Variants in EML4 observed in about 807,000 individuals in gnomAD.
The protein encoded by EML4 is echinoderm microtubule-associated protein-like 4.
A neutral mutation model predicts 129.0 loss-of-function variants in EML4; 72 were observed. The ratio of observed to expected loss-of-function variants is 0.56; its 90% CI spans 0.46 to 0.68. The LOEUF is 0.68. Ranked by LOEUF, EML4 falls within the 30% of genes least tolerant of loss-of-function variation. The pLI is 0.00. For missense variants in EML4, 1,363 were observed against 1,190.6 expected, an observed-to-expected ratio of 1.14 and a Z score of -2.13; for synonymous variants, 532 against 405.0, an observed-to-expected ratio of 1.31 and a Z score of -3.77.
chr2:42,264,750 T>A lies in EML4; in HGVS notation c.667+19T>A, dbSNP rs777784761. 1 of 1,464,740 alleles carries A rather than the reference T, an allele frequency of 6.8e-7. No individual in the cohort carries two copies. Among genetic ancestry groups the A allele is most frequent in the Non-Finnish European group, 9.4e-7 (1 of 1,061,452 alleles). The allele number at this position is 1,464,740 out of a possible 1,614,324, so 90.7% of individuals were successfully genotyped here. Reference sequence around the variant, plus strand: ...AACCAAGGTAAATTAAAAATCCTTTTAAAAATTTTATTTTGCCCTTCTTAG... The same window carrying A: ...AACCAAGGTAAATTAAAAATCCTTTAAAAAATTTTATTTTGCCCTTCTTAG... On this transcript the variant is annotated intron_variant, in intron 6 of 22. Coordinates refer to ENST00000318522, the MANE Select transcript of EML4 (RefSeq NM_019063.5).
chr2:42,256,886 G>T (rs1676187858), intron 3 of EML4, among the ~76,000 whole-genome samples: 1 of 152,074 alleles, frequency 6.6e-6, no homozygotes. Flanking sequence ...GTTTTGTTTT[G>T]TTTCTTTGTA....
chr2:42,192,449 G>T (rs1217322040), intron 1 of EML4, among the ~76,000 whole-genome samples: 2 of 151,766 alleles, frequency 1.3e-5, no homozygotes, highest in Non-Finnish European at 2.9e-5. Context: ...CACGTTGGCC[G>T]GACTGGTCTT....
At chr2:42,294,982 AT>A (rs1437472072) in intron 11 of EML4, 142 bp from the exon 12 acceptor site, 5 of 683,994 alleles carry the variant, frequency 7.3e-6, no homozygotes, top group African/African-American at 1.8e-5. Flanking sequence ...CATTATCAAA[AT>A]TTTTCAGGAA....
At position 42,331,935 on chromosome 2, in the gene EML4, T is replaced by TA. The variant is rs1670124610; in HGVS notation, c.*1734dup. ...TATCTTTCCTTTTGTTTACAACTGT[T>TA]AAAAAACCTCAAAATAGTTCTCTTC... On this transcript the variant is annotated 3_prime_UTR_variant, in exon 23 of 23. Coordinates refer to ENST00000318522, the MANE Select transcript of EML4 (RefSeq NM_019063.5). 4.7e-6 allele frequency: 1 copy of TA among 213,148 alleles called. No homozygotes were observed. 13.2% of individuals were successfully genotyped at this position (213,148 alleles called of 1,614,324 possible).
At chr2:42,329,127 G>A in intron 22 of EML4, 111 bp downstream of exon 22, 1 of 1,093,460 alleles carries the variant, frequency 9.1e-7, no homozygotes, top group Non-Finnish European at 1.3e-6. Context: ...ATACTCCAGT[G>A]CACAGAGGGA....
At chr2:42,307,473 C>G (rs1433170092) in intron 17 of EML4, among the ~76,000 whole-genome samples, 3 of 152,090 alleles carry the variant, frequency 2.0e-5, no homozygotes, top group Non-Finnish European at 4.4e-5. Flanking sequence ...GGTTTCAGAT[C>G]TGGTTAGGTT....
At chr2:42,243,745 T>G (rs1449954803) in intron 1 of EML4, among the ~76,000 whole-genome samples, 1 of 152,252 alleles carries the variant, frequency 6.6e-6, no homozygotes, top group Non-Finnish European at 1.5e-5. Context: ...TATATCATCT[T>G]AAATATGAAA....
chr2:42,319,203 T>C (rs1296024671), intron 19 of EML4, among the ~76,000 whole-genome samples: 1 of 152,202 alleles, frequency 6.6e-6, no homozygotes, highest in Non-Finnish European at 1.5e-5. Context: ...ACAATTCTAC[T>C]AACTCTTAGT....
chr2:42,243,570 C>T (rs1455334574), intron 1 of EML4, among the ~76,000 whole-genome samples: 8 of 152,052 alleles, frequency 5.3e-5, no homozygotes, highest in Admixed American at 2.0e-4. Context: ...AAAGAACTTG[C>T]CTAAGATTAT....
intron 1 of EML4, among the ~76,000 whole-genome samples, chr2:42,238,388 A>T (rs560354947): frequency 2.0e-5 from 3 of 152,182 alleles, no homozygotes; most frequent in Non-Finnish European, 4.4e-5. Context: ...ATTGCTATGG[A>T]TAGGCATAGC....
chr2:42,238,871 C>T (rs1674848908), intron 1 of EML4, among the ~76,000 whole-genome samples: 1 of 152,172 alleles, frequency 6.6e-6, no homozygotes, highest in African/African-American at 2.4e-5. Context: ...GCAGCCGTGA[C>T]CTCTTAGGCT....
chr2:42,325,261 T>G, intron 19 of EML4: 1 of 613,284 alleles, frequency 1.6e-6, no homozygotes, highest in Non-Finnish European at 3.1e-6. Context: ...TAGTTTCTGG[T>G]ATCTAGATAG....
chr2:42,283,842 A>T (rs1667145654), intron 8 of EML4, among the ~76,000 whole-genome samples: 1 of 152,238 alleles, frequency 6.6e-6, no homozygotes. Flanking sequence ...ATAGGTCACC[A>T]TGTAGCTGTA....
rs1668401721 is a variant in EML4, at chr2:42,303,342, G to A, written c.1795G>A (p.Ala599Thr). The A allele has an allele frequency of 1.9e-6, 3 of 1,614,100 alleles. No individual in the cohort carries two copies. Among genetic ancestry groups the A allele is most frequent in the Non-Finnish European group, 2.5e-6 (3 of 1,179,986 alleles). Residue 599 changes from alanine to threonine, a missense_variant, in exon 16 of 23, where the codon GCC becomes ACC. Physicochemically the swap from Ala to Thr is moderately conservative, Grantham distance 58. Coordinates refer to ENST00000318522, the MANE Select transcript of EML4 (RefSeq NM_019063.5). ...QGHTDELWGL[A>T]THPFKDLLLT... ...TCATACAGATGAGCTTTGGGGTCTT[G>A]CCACACATCCCTTCAAAGATTTGCT...
chr2:42,256,271 T>C (rs559836362), intron 2 of EML4, among the ~76,000 whole-genome samples: 2 of 152,308 alleles, frequency 1.3e-5, no homozygotes, highest in South Asian at 4.1e-4. Context: ...CCCAACTGTG[T>C]TTTAGTAAAT....
At chr2:42,200,449 TA>T (rs1040226210) in intron 1 of EML4, among the ~76,000 whole-genome samples, 3 of 152,256 alleles carry the variant, frequency 2.0e-5, no homozygotes, top group Admixed American at 1.3e-4. Flanking sequence ...GAATTTGGCA[TA>T]AATGCTTTTA....
intron 1 of EML4, among the ~76,000 whole-genome samples, chr2:42,220,785 G>C (rs76916159): frequency 1.3e-5 from 2 of 152,156 alleles, no homozygotes; most frequent in Non-Finnish European, 2.9e-5. Context: ...TTTCTGAAGA[G>C]TGCTACTCCA....
intron 1 of EML4, among the ~76,000 whole-genome samples, chr2:42,242,495 A>G (rs892043557): frequency 3.3e-5 from 5 of 152,242 alleles, no homozygotes; most frequent in African/African-American, 1.2e-4. Flanking sequence ...TGACAGTCCT[A>G]GGGTGACATC....
At chr2:42,200,153 CAAAAAAA>C (rs11421705) in intron 1 of EML4, among the ~76,000 whole-genome samples, 5,468 of 84,460 alleles carry the variant, frequency 0.065, 138 homozygotes, top group Middle Eastern at 0.16. Context: ...ACTAAAAATA[CAAAAAAA>C]AAAAAAAAAA....
Sources: allele counts gnomAD v4.1 joint callset (sites outside exome capture counted in the v4.1 genomes callset), GRCh38; gene constraint gnomAD v4.1.1; transcripts MANE v1.5; gene names NCBI Gene and HGNC (gene_info 2026-07-23, HGNC 2026-07-21).